Variants in GRM5 observed in about 807,000 individuals in gnomAD.
GRM5 encodes metabotropic glutamate receptor 5.
A neutral mutation model predicts 83.1 loss-of-function variants in GRM5; 19 were observed. That is an observed-to-expected ratio of 0.23 (90% confidence interval 0.16 to 0.34). The LOEUF (loss-of-function observed/expected upper bound fraction) is 0.34. GRM5 is among the 10% of genes least tolerant of loss of function. The pLI, the probability that GRM5 is intolerant of heterozygous loss-of-function variation, is 1.00. For synonymous variants in GRM5, 675 were observed against 633.6 expected (o/e 1.07, Z -0.98); for missense variants, 1,160 against 1,588.3 (o/e 0.73, Z 4.58).
chr11:88,805,710 T>C (rs1303280259), intron 3 of GRM5, among the ~76,000 whole-genome samples: 1 of 152,198 alleles, frequency 6.6e-6, no homozygotes, highest in Non-Finnish European at 1.5e-5. Context: ...TTATGGTTAA[T>C]GTTTTGTCTT....
chr11:88,832,153 G>C (rs1384782887), intron 3 of GRM5, among the ~76,000 whole-genome samples: 1 of 151,992 alleles, frequency 6.6e-6, no homozygotes, highest in East Asian at 1.9e-4. Flanking sequence ...CACACTCAGA[G>C]CCAAAGTGCC....
At chr11:88,925,135 C>T (rs1945764191) in intron 2 of GRM5, among the ~76,000 whole-genome samples, 1 of 151,728 alleles carries the variant, frequency 6.6e-6, no homozygotes, top group Admixed American at 6.6e-5. Flanking sequence ...GATCGATTGG[C>T]CTCAAGATAG....
At chr11:88,984,770 C>G (rs147900061) in intron 2 of GRM5, 3 of 736,870 alleles carry the variant, frequency 4.1e-6, no homozygotes, top group Non-Finnish European at 5.1e-6. Context: ...AATTACAGCA[C>G]TGCTGGGGAA....
At chr11:88,599,750 ACACCTGTAATCCCAG>A (rs1406233190) in intron 5 of GRM5, among the ~76,000 whole-genome samples, 1 of 152,200 alleles carries the variant, frequency 6.6e-6, no homozygotes, top group Non-Finnish European at 1.5e-5. Context: ...ACGGTGGCTC[ACACCTGTAATCCCAG>A]CACTTTGGGA....
intron 9 of GRM5, among the ~76,000 whole-genome samples, chr11:88,513,403 G>C (rs886717006): frequency 6.6e-6 from 1 of 152,078 alleles, no homozygotes; most frequent in Admixed American, 6.5e-5. Flanking sequence ...TTAGAATTAA[G>C]TTTTTAAAAT....
chr11:88,694,272 G>A (rs765741920), intron 3 of GRM5, among the ~76,000 whole-genome samples: 1 of 152,094 alleles, frequency 6.6e-6, no homozygotes, highest in Non-Finnish European at 1.5e-5. Context: ...TGTGTATTGT[G>A]TTTTTCTTGA....
At chr11:88,603,564 C>T (rs1243903845) in intron 5 of GRM5, among the ~76,000 whole-genome samples, 1 of 151,740 alleles carries the variant, frequency 6.6e-6, no homozygotes, top group Non-Finnish European at 1.5e-5. Flanking sequence ...AAGTAGAAAA[C>T]AACATGTGAA....
intron 2 of GRM5, among the ~76,000 whole-genome samples, chr11:88,931,084 T>TA (rs34099033): frequency 5.9e-5 from 9 of 151,538 alleles, no homozygotes; most frequent in African/African-American, 1.7e-4. Flanking sequence ...AGAGTTTTTT[T>TA]AAATGCTATT....
intron 3 of GRM5, among the ~76,000 whole-genome samples, chr11:88,759,566 G>C (rs1333797773): frequency 1.3e-5 from 2 of 152,140 alleles, no homozygotes; most frequent in Non-Finnish European, 2.9e-5. Flanking sequence ...AGAGCACCCT[G>C]ATTCATAAAG....
intron 2 of GRM5, among the ~76,000 whole-genome samples, chr11:88,999,586 C>T (rs1037771081): frequency 1.3e-5 from 2 of 152,108 alleles, no homozygotes; most frequent in African/African-American, 4.8e-5. Flanking sequence ...AGTCAGGAAA[C>T]AGCAGGTGCT....
chr11:89,028,269 C>T (rs1297001489), intron 2 of GRM5, among the ~76,000 whole-genome samples: 10 of 151,524 alleles, frequency 6.6e-5, no homozygotes, highest in South Asian at 4.1e-4. Flanking sequence ...ATTTTTATTA[C>T]CTGTTTTTTT....
chr11:88,542,443 T>A (rs900210035), intron 8 of GRM5, among the ~76,000 whole-genome samples: 8 of 152,184 alleles, frequency 5.3e-5, no homozygotes, highest in African/African-American at 1.9e-4. Flanking sequence ...TAACAGGCAC[T>A]ATACTCAGAG....
chr11:88,870,669 T>A (rs1227073415), intron 2 of GRM5, among the ~76,000 whole-genome samples: 1 of 151,582 alleles, frequency 6.6e-6, no homozygotes, highest in African/African-American at 2.4e-5. Context: ...GGGAATCTTG[T>A]GTTCCATTGT....
At chr11:88,889,660 C>A (rs907667390) in intron 2 of GRM5, among the ~76,000 whole-genome samples, 1 of 152,034 alleles carries the variant, frequency 6.6e-6, no homozygotes, top group Non-Finnish European at 1.5e-5. Flanking sequence ...TTTAAAAGGC[C>A]TTTATATTTT....
intron 2 of GRM5, among the ~76,000 whole-genome samples, chr11:88,897,625 C>A (rs1445123991): frequency 6.6e-6 from 1 of 151,766 alleles, no homozygotes; most frequent in Non-Finnish European, 1.5e-5. Flanking sequence ...GAAAGAGGTG[C>A]TGCTGACATC....
chr11:88,705,647 C>G (rs766101300), intron 3 of GRM5, among the ~76,000 whole-genome samples: 17 of 151,000 alleles, frequency 1.1e-4, no homozygotes. Context: ...CATTCATCAT[C>G]GACTGCAACA....
intron 2 of GRM5, among the ~76,000 whole-genome samples, chr11:88,865,078 A>C (rs1033951766): frequency 4.6e-5 from 7 of 152,082 alleles, no homozygotes; most frequent in Non-Finnish European, 8.8e-5. Flanking sequence ...ATAGGAAAAC[A>C]TTCCATGCTC....
At chr11:88,668,215 C>CAA (rs1940097543) in intron 3 of GRM5, among the ~76,000 whole-genome samples, 1 of 149,788 alleles carries the variant, frequency 6.7e-6, no homozygotes, top group Non-Finnish European at 1.5e-5. Flanking sequence ...GAAACTCGCA[C>CAA]ACACACACAC....
At chr11:88,978,766 C>T (rs978538995) in intron 2 of GRM5, among the ~76,000 whole-genome samples, 6 of 152,042 alleles carry the variant, frequency 3.9e-5, no homozygotes, top group South Asian at 2.1e-4. Flanking sequence ...CTTTCTGTTA[C>T]GTCATAGAAT....
Sources: gnomAD v4.1 joint callset for allele counts (sites outside exome capture counted in the v4.1 genomes callset) on GRCh38, gnomAD v4.1.1 for gene constraint, MANE v1.5 for transcripts, NCBI Gene and HGNC (gene_info 2026-07-23, HGNC 2026-07-21) for gene names.